The following MXI1 variants were observed in gnomAD, a reference collection of about 807,000 sequenced individuals.
The protein encoded by MXI1 is MAX interactor 1, dimerization protein, also known as max-interacting protein 1.
MXI1 carries 18 observed loss-of-function variants against 36.9 expected under a neutral mutation model. The ratio of observed to expected loss-of-function variants is 0.49; its 90% CI spans 0.34 to 0.72. MXI1 has a LOEUF of 0.72. Among genes scored for constraint, MXI1 ranks in the 30% least tolerant of loss-of-function variants. The probability of loss-of-function intolerance (pLI) is 0.01; values close to 1 mark genes in which losing one functional copy is unlikely to be tolerated. For missense variants in MXI1, 304 were observed against 379.1 expected (o/e 0.80, Z 1.64); for synonymous variants, 160 against 146.7 (o/e 1.09, Z -0.65).
chr10:110,279,796 T>G, intron 4 of MXI1, 118 bp from the exon 5 acceptor site: 1 of 623,604 alleles, frequency 1.6e-6, no homozygotes, highest in Non-Finnish European at 2.5e-6. Context: ...TGTATTTATA[T>G]ATTTTTATAC....
At chr10:110,251,837 G>C (rs1347104568) in intron 3 of MXI1, among the ~76,000 whole-genome samples, 2 of 152,110 alleles carry the variant, frequency 1.3e-5, no homozygotes, top group Non-Finnish European at 1.5e-5. Context: ...GGAAGGAGTG[G>C]GTAGACCGTA....
chr10:110,265,332 GT>G (rs1241362271), intron 3 of MXI1, among the ~76,000 whole-genome samples: 1 of 152,144 alleles, frequency 6.6e-6, no homozygotes, highest in Non-Finnish European at 1.5e-5. Context: ...TAGATTTAGG[GT>G]TTGTTTCAAA....
In MXI1 at chr10:110,207,704, C is replaced by G. The variant is rs938557158; in HGVS notation, c.-105C>G. ...GGGAAGTCAGGCCGGCTTTTCGCCC[C>G]GGCGCCTTCTCTGCTCCAGCCGGCC... On this transcript the variant is annotated 5_prime_UTR_variant, in exon 1 of 6. Coordinates refer to ENST00000332674, the MANE Select transcript of MXI1 (RefSeq NM_130439.3). 5.0e-5 allele frequency: 37 copies of G among 737,574 alleles called. No individual in the cohort carries two copies. The highest frequency in any genetic ancestry group is 5.2e-5 in the Non-Finnish European group (31 of 595,534). 45.7% of individuals were successfully genotyped at this position (737,574 alleles called of 1,614,324 possible). A position where few individuals can be genotyped will look rare whatever the true frequency, so the allele number is the denominator to read the frequency against.
In MXI1 at chr10:110,226,432, G is replaced by A. The variant is rs1351608009; in HGVS notation, c.275-1757G>A. On this transcript the variant is annotated intron_variant, in intron 1 of 5. Transcript: ENST00000332674. ...AGGGGAGGGGTGTGCGCGCGTGAGG[G>A]TAGAGGAGCGCGCGTGTGTGGGGAG... 26 of 656,440 alleles carry A rather than the reference G, an allele frequency of 4.0e-5. 1 individual carries two copies. The Middle Eastern group carries it at 3.6e-3, about 90-fold the overall frequency. 40.7% of individuals were successfully genotyped at this position (656,440 alleles called of 1,614,324 possible).
At chr10:110,236,017 T>G (rs1161597840) in intron 2 of MXI1, among the ~76,000 whole-genome samples, 1 of 151,716 alleles carries the variant, frequency 6.6e-6, no homozygotes, top group East Asian at 1.9e-4. Context: ...AAAAAAAATT[T>G]TTTTCTCTAT....
intron 1 of MXI1, 186 bp from the exon 2 acceptor site, chr10:110,228,003 C>A: frequency 1.6e-6 from 1 of 614,622 alleles, no homozygotes; most frequent in Non-Finnish European, 2.8e-6. Flanking sequence ...CACCTTCCAG[C>A]TGGTGGGGTG....
intron 2 of MXI1, among the ~76,000 whole-genome samples, chr10:110,238,670 A>T (rs183705057): frequency 1.3e-3 from 200 of 152,182 alleles, no homozygotes; most frequent in African/African-American, 4.6e-3. Context: ...TTTGCCAATG[A>T]AGAACTTTCA....
intron 3 of MXI1, among the ~76,000 whole-genome samples, chr10:110,275,390 G>A (rs962230849): frequency 2.0e-5 from 3 of 152,142 alleles, no homozygotes; most frequent in African/African-American, 7.2e-5. Context: ...TTGCAATCTG[G>A]TTACCAACAG....
At chr10:110,210,868 C>G (rs1351802432) in intron 1 of MXI1, among the ~76,000 whole-genome samples, 1 of 152,214 alleles carries the variant, frequency 6.6e-6, no homozygotes, top group African/African-American at 2.4e-5. Context: ...CTGCGGGTCG[C>G]TCGGCGCGCG....
chr10:110,252,809 A>G (rs1353859270), intron 3 of MXI1, among the ~76,000 whole-genome samples: 1 of 152,168 alleles, frequency 6.6e-6, no homozygotes, highest in Non-Finnish European at 1.5e-5. Context: ...TGATGAAGAT[A>G]TATACTCTTG....
chr10:110,256,587 A>T (rs960895383), intron 3 of MXI1, among the ~76,000 whole-genome samples: 2 of 126,634 alleles, frequency 1.6e-5, no homozygotes, highest in Non-Finnish European at 3.2e-5. Context: ...TAGGCAATAG[A>T]GTGAGACTCT....
At chr10:110,269,844 C>G (rs1216429269) in intron 3 of MXI1, among the ~76,000 whole-genome samples, 4 of 152,142 alleles carry the variant, frequency 2.6e-5, no homozygotes, top group Admixed American at 2.6e-4. Context: ...TGAGAGAATG[C>G]TTTTTCTTTT....
chr10:110,228,015 C>T (rs1343750780), intron 1 of MXI1, 174 bp from the exon 2 acceptor site: 1 of 660,270 alleles, frequency 1.5e-6, no homozygotes, highest in African/African-American at 1.8e-5. Context: ...GGTGGGGTGT[C>T]ACAGGATTGA....
chr10:110,216,787 C>T (rs76316770), intron 1 of MXI1, among the ~76,000 whole-genome samples: 14 of 150,446 alleles, frequency 9.3e-5, no homozygotes, highest in Non-Finnish European at 1.5e-4. Context: ...CTGCCTCAGC[C>T]TCCCGAGTAG....
chr10:110,227,275 T>TGTGGGAGGGGCGTGCGCGG, intron 1 of MXI1: 1 of 559,638 alleles, frequency 1.8e-6, no homozygotes, highest in Non-Finnish European at 2.0e-6. Context: ...GGCGTGCGCG[T>TGTGGGAGGGGCGTGCGCGG]GTGGGAGGGG....
At chr10:110,235,462 CAGATCATGAGGTCAGG>C (rs1855424196) in intron 2 of MXI1, among the ~76,000 whole-genome samples, 1 of 151,944 alleles carries the variant, frequency 6.6e-6, no homozygotes, top group Admixed American at 6.6e-5. Context: ...CTGAGGCCAG[CAGATCATGAGGTCAGG>C]AGATCGAGAC....
intron 2 of MXI1, among the ~76,000 whole-genome samples, chr10:110,241,884 A>G (rs751957658): frequency 1.3e-5 from 2 of 152,022 alleles, no homozygotes; most frequent in Non-Finnish European, 2.9e-5. Flanking sequence ...TGGCCAAGGC[A>G]TGTGTAATAC....
chr10:110,245,147 A>G (rs1855817964), intron 3 of MXI1, among the ~76,000 whole-genome samples: 1 of 152,124 alleles, frequency 6.6e-6, no homozygotes, highest in Non-Finnish European at 1.5e-5. Flanking sequence ...CATGGTTTAA[A>G]TGTAGTTTTG....
intron 2 of MXI1, among the ~76,000 whole-genome samples, chr10:110,233,148 C>T (rs1018479937): frequency 6.6e-6 from 1 of 152,110 alleles, no homozygotes; most frequent in African/African-American, 2.4e-5. Flanking sequence ...TAAAGAATCT[C>T]ATAAAAGCAG....
Sources: gnomAD v4.1 joint callset for allele counts (sites outside exome capture counted in the v4.1 genomes callset) on GRCh38, gnomAD v4.1.1 for gene constraint, MANE v1.5 for transcripts, NCBI Gene and HGNC (gene_info 2026-07-23, HGNC 2026-07-21) for gene names.